Variants in ZGRF1 observed in about 807,000 individuals in gnomAD.
ZGRF1 encodes zinc finger GRF-type containing 1, also known as 5'-3' DNA helicase ZGRF1.
A neutral mutation model predicts 203.5 loss-of-function variants in ZGRF1; 196 were observed. The observed-to-expected ratio is 0.96, with a 90% CI of 0.86 to 1.08. ZGRF1 has a LOEUF of 1.08. ZGRF1 is among the 50% of genes least tolerant of loss of function. The pLI, the probability that ZGRF1 is intolerant of heterozygous loss-of-function variation, is 0.00. For missense variants in ZGRF1, 2,326 were observed against 2,416.3 expected, an observed-to-expected ratio of 0.96 and a Z score of 0.78; for synonymous variants, 809 against 841.3, an observed-to-expected ratio of 0.96 and a Z score of 0.66.
At chr4:112,553,630 A>G (rs190389649) in intron 22 of ZGRF1, among the ~76,000 whole-genome samples, 69 of 152,364 alleles carry the variant, frequency 4.5e-4, no homozygotes, top group Non-Finnish European at 3.8e-4. Flanking sequence ...GGATCTATTC[A>G]CGAATTTGAA....
At position 112,618,883 on chromosome 4, in the gene ZGRF1, C is replaced by T; in HGVS notation, c.1159G>A (p.Val387Ile). ...TYAEERKKYN[V>I]DQSVGNNDPS... ...TCATTATTACCGACTGACTGGTCTA[C>T]ATTATACTTTTTCCTCTCTTCAGCA... Residue 387 changes from valine (V) to isoleucine (I), a missense_variant, in exon 6 of 28, where the codon GTA (valine) becomes ATA (isoleucine). Transcript: ENST00000505019. The T allele has an allele frequency of 1.2e-6, 2 of 1,613,726 alleles. No individual in the cohort carries two copies. Among genetic ancestry groups the T allele is most frequent in the South Asian group, 2.2e-5 (2 of 91,074 alleles).
chr4:112,551,432 A>G (rs915871146), intron 22 of ZGRF1, among the ~76,000 whole-genome samples: 2 of 152,260 alleles, frequency 1.3e-5, no homozygotes, highest in Non-Finnish European at 2.9e-5. Flanking sequence ...CCAACTGACC[A>G]TACCTTTTTT....
chr4:112,567,553 C>T (rs1314456304), intron 16 of ZGRF1, among the ~76,000 whole-genome samples: 2 of 152,178 alleles, frequency 1.3e-5, no homozygotes, highest in Non-Finnish European at 2.9e-5. Context: ...GACAGAATTG[C>T]TTGAGCCCCA....
rs533152568 is a variant in ZGRF1 at position 112,591,452 on chromosome 4, C to T, written c.2977-1578G>A. On this transcript the variant is annotated intron_variant, in intron 10 of 27. Coordinates refer to ENST00000505019, the MANE Select transcript of ZGRF1 (RefSeq NM_018392.5). ...CAGAGTACTTTCTAAAATGTAAGTT[C>T]GATTATTTCATTCCTCTGATCAAAA... Among the ~76,000 whole-genome samples the T allele has an allele frequency of 4.6e-5, 7 of 152,206 alleles. No individual in the cohort carries two copies. In the South Asian group the frequency reaches 8.3e-4, roughly 18 times the overall value.
rs1037759476 is a variant in ZGRF1, at chr4:112,541,240, T to A, written c.5627A>T (p.Gln1876Leu). Residue 1876 changes from glutamine (Q) to leucine (L), a missense_variant, in exon 25 of 28, where the codon CAA becomes CTA. Coordinates refer to ENST00000505019, the MANE Select transcript of ZGRF1 (RefSeq NM_018392.5). Reference sequence around the variant, plus strand: ...ACTGATTGCAGGATGACAACGGTATTGAGTTCTCAATAGAATTGGCTTGTG... The same window carrying A: ...ACTGATTGCAGGATGACAACGGTATAGAGTTCTCAATAGAATTGGCTTGTG... ...MGHKPILLRT[Q>L]YRCHPAISAI... 1 of 1,598,822 alleles carries A rather than the reference T, an allele frequency of 6.3e-7. No homozygotes were observed. Among genetic ancestry groups the A allele is most frequent in the African/African-American group, 1.3e-5 (1 of 74,682 alleles).
chr4:112,619,892 A>G, intron 5 of ZGRF1, 110 bp downstream of exon 5: 1 of 954,132 alleles, frequency 1.0e-6, no homozygotes, highest in Non-Finnish European at 1.5e-6. Context: ...ACCTAAGTAT[A>G]CTATGAAGTG....
At position 112,619,186 on chromosome 4, in the gene ZGRF1, T is replaced by C. The variant is rs540153200; in HGVS notation, c.856A>G (p.Ser286Gly). Residue 286 changes from serine to glycine, a missense_variant, in exon 6 of 28, where the codon AGT becomes GGT. Transcript: ENST00000505019. ...EHFPQKQPQGSLKIATKPKYL... is the reference protein window; with the variant it reads ...EHFPQKQPQGGLKIATKPKYL... Reference sequence around the variant, plus strand: ...TTTGGTTTAGTAGCAATTTTTAAACTTCCTTGTGGTTGTTTTTGAGGAAAA... The same window carrying C: ...TTTGGTTTAGTAGCAATTTTTAAACCTCCTTGTGGTTGTTTTTGAGGAAAA... 1 of 1,613,438 alleles carries C rather than the reference T, an allele frequency of 6.2e-7. No individual in the cohort carries two copies. The highest frequency in any genetic ancestry group is 1.7e-5 in the Admixed American group (1 of 60,020).
intron 16 of ZGRF1, among the ~76,000 whole-genome samples, chr4:112,566,001 C>T (rs1353178142): frequency 1.6e-4 from 25 of 152,182 alleles, no homozygotes; most frequent in Non-Finnish European, 2.9e-4. Flanking sequence ...ACTGGGTATA[C>T]ACCCAAAGGA....
Position 112,587,596 on chromosome 4 carries a change from T to C in ZGRF1, c.3461A>G (p.Gln1154Arg). ...TCTGTTTGGAGTAGCCACGTTGCATTGGGATGTGTTTTGATATTTCAGCCA... is the reference window on the plus strand; with the variant it reads ...TCTGTTTGGAGTAGCCACGTTGCATCGGGATGTGTTTTGATATTTCAGCCA... ...SKWLKYQNTSQCNVATPNRVD... is the reference protein window; with the variant it reads ...SKWLKYQNTSRCNVATPNRVD... The change falls in exon 12 of 28, where the codon CAA becomes CGA. Residue 1154 changes from glutamine to arginine, a missense_variant. By Grantham distance (43) the Gln-to-Arg change is conservative (BLOSUM62 1). Coordinates refer to ENST00000505019, the MANE Select transcript of ZGRF1 (RefSeq NM_018392.5). 2.5e-6 allele frequency: 4 copies of C among 1,613,898 alleles called. No homozygotes were observed. In the South Asian group the frequency reaches 3.3e-5, roughly 13 times the overall value.
chr4:112,585,971 C>T (rs1389687949), intron 13 of ZGRF1, among the ~76,000 whole-genome samples: 1 of 151,348 alleles, frequency 6.6e-6, no homozygotes, highest in East Asian at 1.9e-4. Context: ...AGTGTGGTGG[C>T]TCATGCCTGT....
chr4:112,618,240 A>C lies in ZGRF1; in HGVS notation c.1802T>G (p.Val601Gly). The C allele has an allele frequency of 6.2e-7, 1 of 1,613,890 alleles. No individual in the cohort carries two copies. The highest frequency in any genetic ancestry group is 8.5e-7 in the Non-Finnish European group (1 of 1,179,872). ...FLTSVSDKPT[V>G]TFPVKETLPS... is the part of the protein sequence containing the mutation. ...CAGAGTCTCTTTAACAGGAAATGTCACTGTAGGTTTGTCACTAACAGATGT... is the reference window on the plus strand; with the variant it reads ...CAGAGTCTCTTTAACAGGAAATGTCCCTGTAGGTTTGTCACTAACAGATGT... Residue 601 changes from valine to glycine, a missense_variant, in exon 6 of 28, where the codon GTG becomes GGG. Coordinates refer to ENST00000505019, the MANE Select transcript of ZGRF1 (RefSeq NM_018392.5).
rs116931297 is a variant in ZGRF1, at chr4:112,622,190, G to A, written c.162+1627C>T. Among the ~76,000 whole-genome samples the A allele has an allele frequency of 3.9e-3, 591 of 151,914 alleles. 9 individuals are homozygous for A. In the East Asian group the frequency reaches 0.045, roughly 12 times the overall value. On this transcript the variant is annotated intron_variant, in intron 4 of 27. Coordinates refer to ENST00000505019, the MANE Select transcript of ZGRF1 (RefSeq NM_018392.5). Reference sequence around the variant, plus strand: ...AATATTATGGCCAAAAATCAACATCGTCATCATCATAGTATGCATTTTAAC... The same window carrying A: ...AATATTATGGCCAAAAATCAACATCATCATCATCATAGTATGCATTTTAAC...
rs765833410 is a variant in ZGRF1, at chr4:112,618,113, G to A, written c.1929C>T (p.Ser643=). Residue 643 remains serine (S), a synonymous_variant, in exon 6 of 28, where the codon AGC becomes AGT. Transcript: ENST00000505019. ...KEIEEYSDTL[S]NFESFKWTDA... The stretch of plus-strand genomic sequence containing the variant: ...CAGTCCACTTGAAAGATTCAAAATT[G>A]CTTAATGTGTCACTATACTCCTCTA... The A allele has an allele frequency of 6.2e-7, 1 of 1,613,798 alleles. No individual in the cohort carries two copies.
In ZGRF1 at chr4:112,560,338, G is replaced by A. The variant is rs534343597; in HGVS notation, c.4960+395C>T. On this transcript the variant is annotated intron_variant, in intron 19 of 27. Transcript: ENST00000505019. ...TTTCCTCTTTTAGAGGCAAGATCAA[G>A]AGAAAGGACAAGAATGAGGTTATGA... Among the ~76,000 whole-genome samples, 3 of 152,280 alleles carry A rather than the reference G, an allele frequency of 2.0e-5. No homozygotes were observed. In the South Asian group the frequency reaches 6.2e-4, roughly 32 times the overall value.
chr4:112,569,851 A>C (rs1743882250), intron 16 of ZGRF1, among the ~76,000 whole-genome samples: 2 of 152,106 alleles, frequency 1.3e-5, no homozygotes, highest in South Asian at 2.1e-4. Flanking sequence ...AAAAAATGAA[A>C]AAAGACTTAT....
rs775317125 is a variant in ZGRF1 at position 112,617,655 on chromosome 4, G to T, written c.2387C>A (p.Pro796His). Residue 796 changes from proline (P) to histidine (H), a missense_variant, in exon 6 of 28, where the codon CCT becomes CAT. Pro to His is a moderately conservative substitution (Grantham distance 77, BLOSUM62 -2). Transcript: ENST00000505019. ...GGCAGTTTCAACCTCAACATGGTCA[G>T]GGGGTGGACTTCTAATCTTTCCCAA... Reference protein sequence around the residue: ...EDLGKIRSPPPDHVEVETARE... With the variant: ...EDLGKIRSPPHDHVEVETARE... 1 of 1,613,860 alleles carries T rather than the reference G, an allele frequency of 6.2e-7. No individual in the cohort carries two copies. The highest frequency in any genetic ancestry group is 1.7e-5 in the Admixed American group (1 of 59,986).
At chr4:112,584,862 T>C (rs1419326183) in intron 14 of ZGRF1, among the ~76,000 whole-genome samples, 1 of 152,198 alleles carries the variant, frequency 6.6e-6, no homozygotes, top group Non-Finnish European at 1.5e-5. Context: ...TCAATCAACA[T>C]ACATTTTACT....
At chr4:112,570,705 C>G (rs990687842) in intron 16 of ZGRF1, among the ~76,000 whole-genome samples, 2 of 152,038 alleles carry the variant, frequency 1.3e-5, no homozygotes, top group African/African-American at 4.8e-5. Flanking sequence ...AAATTCCTTA[C>G]ATTTTTAATA....
intron 16 of ZGRF1, among the ~76,000 whole-genome samples, chr4:112,571,197 A>G (rs1303657193): frequency 6.6e-6 from 1 of 152,192 alleles, no homozygotes; most frequent in Non-Finnish European, 1.5e-5. Context: ...CTAAGTATCA[A>G]GCTTAAGATG....
Sources: allele counts gnomAD v4.1 joint callset (sites outside exome capture counted in the v4.1 genomes callset), GRCh38; gene constraint gnomAD v4.1.1; transcripts MANE v1.5; gene names NCBI Gene and HGNC (gene_info 2026-07-23, HGNC 2026-07-21).